The following PLEKHM1 variants were observed in gnomAD, a reference collection of about 807,000 sequenced individuals.
PLEKHM1 encodes the protein pleckstrin homology and RUN domain containing M1.
In PLEKHM1, 28 loss-of-function variants were observed where a neutral mutation model predicts 94.3. The ratio of observed to expected loss-of-function variants is 0.30; its 90% CI spans 0.22 to 0.41. The LOEUF (loss-of-function observed/expected upper bound fraction) is 0.41, where lower values mean the gene tolerates loss of function less well. Among genes scored for constraint, PLEKHM1 ranks in the 10% least tolerant of loss-of-function variants. The pLI is 1.00. For missense variants in PLEKHM1, 907 were observed against 1,358.6 expected (o/e 0.67, Z 5.22); for synonymous variants, 424 against 581.2 (o/e 0.73, Z 3.89).
chr17:45,458,256 A>G lies in PLEKHM1; in HGVS notation c.1492T>C (p.Cys498Arg). The G allele has an allele frequency of 6.2e-7, 1 of 1,611,614 alleles. No individual in the cohort carries two copies. The highest frequency in any genetic ancestry group is 8.5e-7 in the Non-Finnish European group (1 of 1,178,808). ...NCSLGALDQA[C>R]VPSPGRRQAQ... ...TGCCTTCTTCCTGGGGAAGGTACAC[A>G]CGCTTGGTCTAACGCCCCCAGGGAG... The change falls in exon 6 of 12, where the codon TGT becomes CGT. Residue 498 changes from cysteine (C) to arginine (R), a missense_variant. Around this residue, in one of 3 missense-constraint regions of PLEKHM1, gnomAD observed 477 missense variants for 601.5 expected, o/e 0.79. Transcript: ENST00000430334.
chr17:45,473,460 G>A (rs2051583692), intron 4 of PLEKHM1, among the ~76,000 whole-genome samples: 1 of 151,996 alleles, frequency 6.6e-6, no homozygotes. Context: ...AAGAAGCTCT[G>A]AAATGAAAAG....
chr17:45,455,301 A>G (rs1335998812), intron 6 of PLEKHM1, among the ~76,000 whole-genome samples: 1 of 151,550 alleles, frequency 6.6e-6, no homozygotes, highest in African/African-American at 2.4e-5. Flanking sequence ...CCACCCTTCT[A>G]TCTCTCTGGC....
intron 9 of PLEKHM1, among the ~76,000 whole-genome samples, chr17:45,442,219 A>G (rs532150764): frequency 1.3e-5 from 2 of 152,262 alleles, no homozygotes; most frequent in Admixed American, 6.5e-5. Context: ...CCACTAGTGC[A>G]GGACAGCTCC....
intron 1 of PLEKHM1, among the ~76,000 whole-genome samples, chr17:45,489,932 C>T (rs1291413881): frequency 6.6e-6 from 1 of 152,000 alleles, no homozygotes; most frequent in African/African-American, 2.4e-5. Context: ...AAGGAGGCAG[C>T]AAGAGTTCGG....
chr17:45,451,125 G>T (rs1438812042), intron 7 of PLEKHM1, among the ~76,000 whole-genome samples: 1 of 151,790 alleles, frequency 6.6e-6, no homozygotes, highest in Non-Finnish European at 1.5e-5. Context: ...TGTCCCCACT[G>T]CTGGCTTGGC....
chr17:45,477,580 G>A (rs1452589381), intron 3 of PLEKHM1: 1 of 428,430 alleles, frequency 2.3e-6, no homozygotes, highest in African/African-American at 2.0e-5. Flanking sequence ...TTGTAACTAT[G>A]TAACTCTGCC....
In PLEKHM1 at chr17:45,445,137, C is replaced by T. The variant is rs2050563268; in HGVS notation, c.2837+333G>A. Among the ~76,000 whole-genome samples the T allele has an allele frequency of 6.6e-6, 1 of 152,254 alleles. No individual in the cohort carries two copies. The highest frequency in any genetic ancestry group is 6.5e-5 in the Admixed American group (1 of 15,286). On this transcript the variant is annotated intron_variant, in intron 9 of 11. Transcript: ENST00000430334. This position sits in a 1 kb window ranked among gnomAD's most constrained non-coding sequence, Gnocchi z 4.2. ...ATGTTTTTGAGTGAACAAATAGATA[C>T]ATGAACAAAACCCCAAAATCACCCC...
In PLEKHM1 at chr17:45,453,420, A is replaced by G. The variant is rs1567774607; in HGVS notation, c.2432T>C (p.Leu811Pro). 1 of 1,613,796 alleles carries G rather than the reference A, an allele frequency of 6.2e-7. No individual in the cohort carries two copies. The highest frequency in any genetic ancestry group is 8.5e-7 in the Non-Finnish European group (1 of 1,179,802). ...GGGGATAGCCACCAGGTACTGCAGC[A>G]GGAAGCCATTCTCCCGGGTGGCAAA... ...LKFATRENGF[L>P]LQYLVAIPME... The change falls in exon 7 of 12, where the codon CTG becomes CCG. Residue 811 changes from leucine to proline, a missense_variant. Coordinates refer to ENST00000430334, the MANE Select transcript of PLEKHM1 (RefSeq NM_014798.3). The surrounding 1 kb of genome is among the most constrained non-coding windows in gnomAD (Gnocchi z 4.1).
At chr17:45,479,518 A>AG (rs1491339244) in intron 2 of PLEKHM1, among the ~76,000 whole-genome samples, 2 of 97,248 alleles carry the variant, frequency 2.1e-5, no homozygotes, top group Non-Finnish European at 4.9e-5. Flanking sequence ...ACTCCGCCTC[A>AG]AAAAAAAAAA....
chr17:45,459,485 C>T (rs1187141566), intron 5 of PLEKHM1: 2 of 151,692 alleles, frequency 1.3e-5, no homozygotes, highest in Admixed American at 6.6e-5. Flanking sequence ...AAATAATATT[C>T]CATTGTCTCG....
intron 2 of PLEKHM1, among the ~76,000 whole-genome samples, chr17:45,481,118 T>C (rs1487857393): frequency 1.3e-5 from 2 of 152,184 alleles, no homozygotes; most frequent in Non-Finnish European, 2.9e-5. Flanking sequence ...GGGTGTGAAG[T>C]AGTATCTCAC....
At chr17:45,460,986 G>A (rs1177326867) in intron 5 of PLEKHM1, among the ~76,000 whole-genome samples, 4 of 152,310 alleles carry the variant, frequency 2.6e-5, no homozygotes, top group South Asian at 2.1e-4. Flanking sequence ...CCGGGTTCAC[G>A]CCATTCTCCT....
At position 45,450,627 on chromosome 17, in the gene PLEKHM1, G is replaced by A. The variant is rs775120118; in HGVS notation, c.2634C>T (p.Thr878=). 5.6e-6 allele frequency: 9 copies of A among 1,613,470 alleles called. No homozygotes were observed. In the East Asian group the frequency reaches 2.0e-4, roughly 36 times the overall value. The change falls in exon 8 of 12, where the codon ACC becomes ACT. Residue 878 remains threonine, a synonymous_variant. Coordinates refer to ENST00000430334, the MANE Select transcript of PLEKHM1 (RefSeq NM_014798.3). ...TGGGCTTGAGACTTACCGGGCGCTT[G>A]GTGAGGTCCCAGTTGTGGATGATCC... ...PARIIHNWDL[T]KRPICRQALK...
chr17:45,468,708 A>G, intron 4 of PLEKHM1, 115 bp from the exon 5 acceptor site: 2 of 1,049,580 alleles, frequency 1.9e-6, no homozygotes, highest in Non-Finnish European at 2.9e-6. Flanking sequence ...AACAACCCAC[A>G]CCCTCTAAAT....
chr17:45,468,325 G>A lies in PLEKHM1; in HGVS notation c.1192C>T (p.Pro398Ser). The change falls in exon 5 of 12, where the codon CCT becomes TCT. Residue 398 changes from proline to serine, a missense_variant. By Grantham distance (74) the Pro-to-Ser change is moderately conservative. This residue lies in a region of PLEKHM1 where 477 missense variants were observed against 601.5 expected (regional missense o/e 0.79). Coordinates refer to ENST00000430334, the MANE Select transcript of PLEKHM1 (RefSeq NM_014798.3). ...GCTGTCTCGCTGACAGTACTAGAAGGCTGCTGGCCTGAGGTGCTCTCTACA... is the reference window on the plus strand; with the variant it reads ...GCTGTCTCGCTGACAGTACTAGAAGACTGCTGGCCTGAGGTGCTCTCTACA... Reference protein sequence around the residue: ...QPVESTSGQQPSSTVSETARE... With the variant: ...QPVESTSGQQSSSTVSETARE... 4 of 1,613,808 alleles carry A rather than the reference G, an allele frequency of 2.5e-6. No homozygotes were observed. The Admixed American group carries it at 6.7e-5, about 27-fold the overall frequency.
chr17:45,447,494 G>A (rs1156468101), intron 8 of PLEKHM1, among the ~76,000 whole-genome samples: 1 of 152,258 alleles, frequency 6.6e-6, no homozygotes, highest in African/African-American at 2.4e-5. Context: ...ACTGCAGATG[G>A]GCAGGGGCTT....
intron 1 of PLEKHM1, chr17:45,487,579 A>G: frequency 2.5e-6 from 1 of 393,772 alleles, no homozygotes; most frequent in South Asian, 1.9e-5. Context: ...TCTCAGAGCT[A>G]TACTTTCTTA....
chr17:45,454,718 C>T (rs1429306522), intron 6 of PLEKHM1: 3 of 302,622 alleles, frequency 9.9e-6, no homozygotes, highest in Non-Finnish European at 1.9e-5. Flanking sequence ...CATCGGCACA[C>T]ATGCACGCTG....
intron 6 of PLEKHM1, among the ~76,000 whole-genome samples, chr17:45,455,049 C>T (rs143228169): frequency 6.8e-4 from 104 of 152,276 alleles, no homozygotes; most frequent in African/African-American, 2.3e-3. Flanking sequence ...TGGCTTGAAC[C>T]GGGAAGGCAG....
Sources: allele counts gnomAD v4.1 joint callset (sites outside exome capture counted in the v4.1 genomes callset), GRCh38; gene constraint gnomAD v4.1.1; regional missense constraint gnomAD v4.1.1; non-coding constraint Gnocchi (gnomAD v3.1); transcripts MANE v1.5; gene names NCBI Gene and HGNC (gene_info 2026-07-23, HGNC 2026-07-21).